Variants in TCF4 observed in about 807,000 individuals in gnomAD.
TCF4 encodes the protein SL3-3 enhancer factor 2.
Under a neutral mutation model 82.1 loss-of-function variants are expected in TCF4, and 3 were observed. The ratio of observed to expected loss-of-function variants is 0.04; its 90% confidence interval spans 0.02 to 0.09. The LOEUF is 0.09. TCF4 is among the 10% of genes least tolerant of loss of function. The pLI is 1.00. For missense variants in TCF4, 518 were observed against 852.7 expected, an observed-to-expected ratio of 0.61 and a Z score of 4.89; for synonymous variants, 276 against 309.6, an observed-to-expected ratio of 0.89 and a Z score of 1.14.
chr18:55,368,530 AAC>A (rs2087923740), intron 6 of TCF4, among the ~76,000 whole-genome samples: 1 of 152,292 alleles, frequency 6.6e-6, no homozygotes, highest in African/African-American at 2.4e-5. Flanking sequence ...AAAAACAAAA[AAC>A]ACAGTGTTTT....
chr18:55,250,809 G>A (rs2054825295), intron 15 of TCF4, among the ~76,000 whole-genome samples: 1 of 152,182 alleles, frequency 6.6e-6, no homozygotes, highest in African/African-American at 2.4e-5. Flanking sequence ...ACAACAGTTG[G>A]TAAGGCAGAG....
chr18:55,342,610 C>A (rs888473554), intron 8 of TCF4, among the ~76,000 whole-genome samples: 1 of 152,100 alleles, frequency 6.6e-6, no homozygotes, highest in Non-Finnish European at 1.5e-5. Context: ...TTAGTAGTAA[C>A]GCAAAATGAG....
At chr18:55,435,518 G>A (rs1002283109) in intron 5 of TCF4, among the ~76,000 whole-genome samples, 3 of 152,184 alleles carry the variant, frequency 2.0e-5, no homozygotes, top group Non-Finnish European at 2.9e-5. Context: ...CCAAGTACCT[G>A]ACACATAGTG....
chr18:55,449,379 A>C (rs1360458988), intron 5 of TCF4, among the ~76,000 whole-genome samples: 3 of 152,224 alleles, frequency 2.0e-5, no homozygotes, highest in African/African-American at 7.2e-5. Context: ...CACACCATAT[A>C]AAGTATGAAT....
chr18:55,247,931 T>C (rs2053804214), intron 15 of TCF4, among the ~76,000 whole-genome samples: 1 of 152,150 alleles, frequency 6.6e-6, no homozygotes, highest in African/African-American at 2.4e-5. Context: ...TTGATGAAAA[T>C]GGACTTTGTG....
chr18:55,275,275 G>GGA (rs1555795909), intron 10 of TCF4, among the ~76,000 whole-genome samples: 48 of 71,366 alleles, frequency 6.7e-4, no homozygotes, highest in African/African-American at 1.5e-3. Flanking sequence ...ACTACAGATA[G>GGA]AAAAAAAAAA....
chr18:55,401,049 T>C, intron 6 of TCF4: 2 of 1,289,118 alleles, frequency 1.6e-6, no homozygotes, highest in Non-Finnish European at 2.0e-6. Context: ...CTATTTAGAC[T>C]TGAAGCCCAA....
At chr18:55,437,682 G>A (rs977652826) in intron 5 of TCF4, among the ~76,000 whole-genome samples, 3 of 152,152 alleles carry the variant, frequency 2.0e-5, no homozygotes, top group Non-Finnish European at 1.5e-5. Flanking sequence ...TCCCAGCCCA[G>A]GCCTCTAAAC....
At chr18:55,359,077 T>C (rs960183846) in intron 6 of TCF4, among the ~76,000 whole-genome samples, 3 of 152,196 alleles carry the variant, frequency 2.0e-5, no homozygotes, top group African/African-American at 7.2e-5. Flanking sequence ...AAGTCATGCA[T>C]AGATAGATTA....
rs186094991 is a variant in TCF4, at chr18:55,599,140, C to A, written c.287-12004G>T. On this transcript the variant is annotated intron_variant, in intron 2 of 20. Transcript: ENST00000398339. ...TGAGTGAAGATTATCCTACATAATACCCAAGGCTTCTCAACTGGTGGGGAG... is the reference window on the plus strand; with the variant it reads ...TGAGTGAAGATTATCCTACATAATAACCAAGGCTTCTCAACTGGTGGGGAG... Among the ~76,000 whole-genome samples, 486 of 152,266 alleles carry A rather than the reference C, an allele frequency of 3.2e-3. 6 individuals are homozygous for A. Among genetic ancestry groups the A allele is most frequent in the Non-Finnish European group, 2.3e-3 (155 of 68,038 alleles).
rs1299987201 is a variant in TCF4, at chr18:55,384,835, A to G, written c.369+18619T>C. 2.6e-5 allele frequency among the ~76,000 whole-genome samples: 4 copies of G among 152,114 alleles called. No homozygotes were observed. In the East Asian group the frequency reaches 7.7e-4, roughly 29 times the overall value. On this transcript the variant is annotated intron_variant, in intron 6 of 19. Coordinates refer to ENST00000354452, the MANE Select transcript of TCF4 (RefSeq NM_001083962.2). The stretch of plus-strand genomic sequence containing the variant: ...GGTGGGGTCAGTGGATGGGGATGGA[A>G]TGAATCAGAAAGTAGAGCTAAAGGA...
At chr18:55,426,099 T>TTATATATATATATATATATATATA (rs35262105) in intron 5 of TCF4, among the ~76,000 whole-genome samples, 184 of 138,716 alleles carry the variant, frequency 1.3e-3, no homozygotes, top group African/African-American at 4.9e-3. Flanking sequence ...ACAAAAAATT[T>TTATATATATATATATATATATATA]TATATATATA....
At chr18:55,315,153 C>T (rs2073788616) in intron 8 of TCF4, among the ~76,000 whole-genome samples, 2 of 151,528 alleles carry the variant, frequency 1.3e-5, no homozygotes, top group Admixed American at 6.6e-5. Context: ...TTTGGTTGAG[C>T]CTGAAATTAG....
rs149861305 is a variant in TCF4 at position 55,275,748 on chromosome 18, G to A, written c.660C>T (p.Gly220=). 52 of 1,613,656 alleles carry A rather than the reference G, an allele frequency of 3.2e-5. No individual in the cohort carries two copies. Among genetic ancestry groups the A allele is most frequent in the Non-Finnish European group, 4.1e-5 (48 of 1,179,728 alleles). ...TFPSSFFMQD[G]HHSSDPWSSS... ...AGCTCCAAGGGTCACTGCTGTGATG[G>A]CCATCTGTAAAGGACAAAGACAACC... The change falls in exon 10 of 20, where the codon GGC becomes GGT. Residue 220 remains glycine, a synonymous_variant. Coordinates refer to ENST00000354452, the MANE Select transcript of TCF4 (RefSeq NM_001083962.2).
At chr18:55,483,223 G>A (rs1164911917) in intron 3 of TCF4, among the ~76,000 whole-genome samples, 1 of 152,172 alleles carries the variant, frequency 6.6e-6, no homozygotes, top group Admixed American at 6.5e-5. Context: ...GAACCATTCT[G>A]CAGTGCTCCT....
chr18:55,470,302 A>G (rs1047405668), intron 3 of TCF4, among the ~76,000 whole-genome samples: 11 of 152,198 alleles, frequency 7.2e-5, no homozygotes, highest in African/African-American at 2.2e-4. Context: ...TTACATTTTT[A>G]TGACTCCTTG....
chr18:55,409,811 A>G (rs1006188144), intron 5 of TCF4, among the ~76,000 whole-genome samples: 8 of 152,070 alleles, frequency 5.3e-5, no homozygotes, highest in African/African-American at 1.9e-4. Context: ...GTATAGCTTC[A>G]TTGTTCTGAC....
intron 12 of TCF4, chr18:55,261,142 A>G (rs573776827): frequency 3.9e-6 from 1 of 253,544 alleles, no homozygotes; most frequent in Non-Finnish European, 7.4e-6. Flanking sequence ...AGACAGTCTT[A>G]GCTGGTCAAT....
At chr18:55,287,389 G>A (rs1044950318) in intron 8 of TCF4, among the ~76,000 whole-genome samples, 22 of 152,214 alleles carry the variant, frequency 1.4e-4, no homozygotes, top group Admixed American at 1.3e-3. Flanking sequence ...TTAAACCTGG[G>A]GCTAAATCCT....
Sources: allele counts gnomAD v4.1 joint callset (sites outside exome capture counted in the v4.1 genomes callset), GRCh38; gene constraint gnomAD v4.1.1; transcripts MANE v1.5; gene names NCBI Gene and HGNC (gene_info 2026-07-23, HGNC 2026-07-21).